Variants in YY1 observed in about 807,000 individuals in gnomAD.
The protein encoded by YY1 is YY1 transcription factor.
YY1 carries 2 observed loss-of-function variants against 35.6 expected under a neutral mutation model. That is an observed-to-expected ratio of 0.06 (90% CI 0.02 to 0.18). The LOEUF (loss-of-function observed/expected upper bound fraction) is 0.18, where lower values mean the gene tolerates loss of function less well. Ranked by LOEUF, YY1 falls within the 10% of genes least tolerant of loss-of-function variation. The pLI is 1.00. For synonymous variants in YY1, 268 were observed against 238.9 expected (o/e 1.12, Z -1.12); for missense variants, 322 against 573.4 (o/e 0.56, Z 4.48).
intron 1 of YY1, among the ~76,000 whole-genome samples, chr14:100,240,783 C>T (rs1205163458): frequency 6.6e-6 from 1 of 151,980 alleles, no homozygotes; most frequent in Non-Finnish European, 1.5e-5. Flanking sequence ...TAGTCACTTA[C>T]GTTTTGGGAA....
At position 100,276,393 on chromosome 14, in the gene YY1, T is replaced by C; in HGVS notation, c.904-97T>C. 6.5e-7 allele frequency: 1 copy of C among 1,538,624 alleles called. No homozygotes were observed. Among genetic ancestry groups the C allele is most frequent in the Non-Finnish European group, 9.0e-7 (1 of 1,116,224 alleles). ...AAATTAAAATGGGGGGTTGGGGAGG[T>C]GGTTTTGTTTTAATATGTCAGTAAA... On this transcript the variant is annotated intron_variant, in intron 3 of 4. Transcript: ENST00000262238. This position sits in a 1 kb window ranked among gnomAD's most constrained non-coding sequence, Gnocchi z 4.1.
Position 100,239,171 on chromosome 14 carries a change from G to C in YY1, c.-74G>C. Reference sequence around the variant, plus strand: ...CCCTCTGCCTTCCTTCCCCACGGCCGGCCGCCTCCTCGCCCGCCCGCCCGC... The same window carrying C: ...CCCTCTGCCTTCCTTCCCCACGGCCCGCCGCCTCCTCGCCCGCCCGCCCGC... On this transcript the variant is annotated 5_prime_UTR_variant, in exon 1 of 5. Coordinates refer to ENST00000262238, the MANE Select transcript of YY1 (RefSeq NM_003403.5). 8.3e-7 allele frequency: 1 copy of C among 1,207,558 alleles called. No individual in the cohort carries two copies. The highest frequency in any genetic ancestry group is 2.4e-5 in the South Asian group (1 of 42,480). The allele number at this position is 1,207,558 out of a possible 1,614,324, so 74.8% of individuals were successfully genotyped here.
At position 100,274,862 on chromosome 14, in the gene YY1, G is replaced by A. The variant is rs1469729204; in HGVS notation, c.903+104G>A. ...TTCTGCTTGTGATAATTTAAATGAAGCAAGGAATTAGAATCTTCGGTTTCT... is the reference window on the plus strand; with the variant it reads ...TTCTGCTTGTGATAATTTAAATGAAACAAGGAATTAGAATCTTCGGTTTCT... On this transcript the variant is annotated intron_variant, in intron 3 of 4. Coordinates refer to ENST00000262238, the MANE Select transcript of YY1 (RefSeq NM_003403.5). The A allele has an allele frequency of 1.5e-5, 17 of 1,151,730 alleles. No homozygotes were observed. In the Admixed American group the frequency reaches 3.1e-4, roughly 21 times the overall value. 71.3% of individuals were successfully genotyped at this position (1,151,730 alleles called of 1,614,324 possible). A position where few individuals can be genotyped will look rare whatever the true frequency, so the allele number is the denominator to read the frequency against.
intron 1 of YY1, among the ~76,000 whole-genome samples, chr14:100,240,229 C>T (rs950334088): frequency 2.8e-5 from 4 of 143,966 alleles, no homozygotes; most frequent in African/African-American, 9.9e-5. Flanking sequence ...GCGCTCGCTC[C>T]CCGACGCCCT....
chr14:100,273,217 G>C (rs1430340656), intron 2 of YY1, among the ~76,000 whole-genome samples: 20 of 151,932 alleles, frequency 1.3e-4, no homozygotes. Context: ...CATCTACCTC[G>C]GCCTCCCAAA....
chr14:100,260,815 G>A (rs1466112827), intron 1 of YY1, among the ~76,000 whole-genome samples: 1 of 90,512 alleles, frequency 1.1e-5, no homozygotes, highest in Non-Finnish European at 2.0e-5. Flanking sequence ...TTTTTTGGAG[G>A]CAGAGTCTTG....
intron 2 of YY1, 79 bp downstream of exon 2, chr14:100,262,545 T>G (rs1043047697): frequency 4.1e-5 from 59 of 1,436,662 alleles, no homozygotes; most frequent in Non-Finnish European, 5.7e-5. Flanking sequence ...TGTGCCTAAG[T>G]CAAAATGGTG....
In YY1 at chr14:100,278,995, A is replaced by G. The variant is rs1374021224; in HGVS notation, c.*1395A>G. 2 of 152,208 alleles carry G rather than the reference A, an allele frequency of 1.3e-5. No individual in the cohort carries two copies. The highest frequency in any genetic ancestry group is 2.4e-5 in the African/African-American group (1 of 41,448). 9.4% of individuals were successfully genotyped at this position (152,208 alleles called of 1,614,324 possible). The stretch of plus-strand genomic sequence containing the variant: ...GTGGAGTCCTTATTAAATGCTAGCA[A>G]TGTGGCAATTGAGTGCCAGTAGCTT... On this transcript the variant is annotated 3_prime_UTR_variant, in exon 5 of 5. Coordinates refer to ENST00000262238, the MANE Select transcript of YY1 (RefSeq NM_003403.5).
chr14:100,273,905 C>G (rs772351462), intron 2 of YY1, among the ~76,000 whole-genome samples: 2 of 152,090 alleles, frequency 1.3e-5, no homozygotes, highest in African/African-American at 2.4e-5. Flanking sequence ...AACCAGGAGG[C>G]TCTCTGGACA....
At chr14:100,244,320 C>CTTTTTTTT (rs869125410) in intron 1 of YY1, among the ~76,000 whole-genome samples, 15 of 89,700 alleles carry the variant, frequency 1.7e-4, no homozygotes, top group African/African-American at 6.0e-4. Context: ...TCCTTTTTTA[C>CTTTTTTTT]TTTTTTTTTT....
intron 1 of YY1, among the ~76,000 whole-genome samples, chr14:100,249,100 ATTTTTTTT>A (rs60088505): frequency 0.01 from 468 of 46,770 alleles, 1 homozygote; most frequent in African/African-American, 0.027. Flanking sequence ...TTCTCGTGTA[ATTTTTTTT>A]TTTTTTTTTT....
chr14:100,262,153 A>G, intron 1 of YY1, 151 bp from the exon 2 acceptor site: 1 of 763,814 alleles, frequency 1.3e-6, no homozygotes, highest in South Asian at 1.8e-5. Context: ...ACAGAGTGAG[A>G]CCGTTCTCCA....
chr14:100,240,075 G>C, intron 1 of YY1, 152 bp downstream of exon 1: 1 of 618,432 alleles, frequency 1.6e-6, no homozygotes, highest in Non-Finnish European at 2.2e-6. Flanking sequence ...GGGGCGCGGC[G>C]GCGGCGGCGG....
intron 1 of YY1, among the ~76,000 whole-genome samples, chr14:100,253,172 C>T (rs1332258641): frequency 1.3e-5 from 2 of 152,242 alleles, no homozygotes; most frequent in South Asian, 4.1e-4. Context: ...TTTTAATGAC[C>T]TATAGTGGGT....
chr14:100,269,683 T>TTGC (rs1328673640), intron 2 of YY1, among the ~76,000 whole-genome samples: 1 of 152,214 alleles, frequency 6.6e-6, no homozygotes, highest in Non-Finnish European at 1.5e-5. Flanking sequence ...ACTGCTGCAT[T>TTGC]TGCCACTCTG....
At chr14:100,274,596 T>C in intron 2 of YY1, 102 bp from the exon 3 acceptor site, 3 of 966,796 alleles carry the variant, frequency 3.1e-6, no homozygotes, top group Non-Finnish European at 4.9e-6. Context: ...TAATTTTAGT[T>C]TGGGTACCTA....
chr14:100,249,748 G>GTTTTTTTTTTTTTTTTTTTTTTTTTTTTT (rs57119106), intron 1 of YY1, among the ~76,000 whole-genome samples: 1 of 141,032 alleles, frequency 7.1e-6, no homozygotes. Flanking sequence ...GCTACTTACC[G>GTTTTTTTTTTTTTTTTTTTTTTTTTTTTT]TTTTTTTTTT....
At chr14:100,272,061 C>T (rs572162584) in intron 2 of YY1, among the ~76,000 whole-genome samples, 6 of 152,024 alleles carry the variant, frequency 3.9e-5, no homozygotes, top group African/African-American at 7.2e-5. Flanking sequence ...AAAATGTTCT[C>T]GTGGGTGGGC....
chr14:100,276,480 C>A lies in YY1; in HGVS notation c.904-10C>A, dbSNP rs757640136. 1 of 1,614,206 alleles carries A rather than the reference C, an allele frequency of 6.2e-7. No individual in the cohort carries two copies. The highest frequency in any genetic ancestry group is 8.5e-7 in the Non-Finnish European group (1 of 1,180,030). On this transcript the variant is annotated splice_polypyrimidine_tract_variant and intron_variant, in intron 3 of 4. Transcript: ENST00000262238. The surrounding 1 kb of genome is among the most constrained non-coding windows in gnomAD (Gnocchi z 4.1). ...AATGTGAACTTCTAAGCTGCTTTCT[C>A]TGTTTTAAGGGCTGCACAAAGATGT...
Sources: gnomAD v4.1 joint callset for allele counts (sites outside exome capture counted in the v4.1 genomes callset) on GRCh38, gnomAD v4.1.1 for gene constraint, Gnocchi (gnomAD v3.1) non-coding constraint, MANE v1.5 for transcripts, NCBI Gene and HGNC (gene_info 2026-07-23, HGNC 2026-07-21) for gene names.